The following IKZF1 variants were observed in gnomAD, a reference collection of about 807,000 sequenced individuals.
IKZF1 encodes DNA-binding protein Ikaros.
IKZF1 carries 10 observed loss-of-function variants against 51.7 expected under a neutral mutation model. The ratio of observed to expected loss-of-function variants is 0.19; its 90% CI spans 0.12 to 0.33. The LOEUF is 0.33. Among genes scored for constraint, IKZF1 ranks in the 10% least tolerant of loss-of-function variants. IKZF1 has a pLI of 1.00. For synonymous variants in IKZF1, 280 were observed against 282.3 expected (o/e 0.99, Z 0.08); for missense variants, 484 against 707.5 (o/e 0.68, Z 3.58).
intron 1 of IKZF1, among the ~76,000 whole-genome samples, chr7:50,310,555 G>A (rs906703343): frequency 6.6e-6 from 1 of 152,122 alleles, no homozygotes; most frequent in African/African-American, 2.4e-5. Context: ...CACAAATAAA[G>A]GACTACAAAA....
At chr7:50,362,308 C>T (rs565187408) in intron 3 of IKZF1, among the ~76,000 whole-genome samples, 16 of 152,272 alleles carry the variant, frequency 1.1e-4, no homozygotes, top group Non-Finnish European at 1.8e-4. Flanking sequence ...GGAAGGTCCA[C>T]TCAACCCCAT....
intron 4 of IKZF1, among the ~76,000 whole-genome samples, chr7:50,380,226 A>G (rs1395530205): frequency 1.3e-5 from 2 of 152,146 alleles, no homozygotes; most frequent in South Asian, 2.1e-4. Context: ...GCCTTGTGCT[A>G]TGTGTTCATA....
At chr7:50,349,047 A>T (rs1801145401) in intron 3 of IKZF1, among the ~76,000 whole-genome samples, 2 of 152,152 alleles carry the variant, frequency 1.3e-5, no homozygotes, top group South Asian at 4.1e-4. Flanking sequence ...ACACGAACGG[A>T]GGTTAATGAA....
At chr7:50,309,931 A>G (rs1789749343) in intron 1 of IKZF1, among the ~76,000 whole-genome samples, 1 of 152,206 alleles carries the variant, frequency 6.6e-6, no homozygotes, top group Non-Finnish European at 1.5e-5. Context: ...AACTAGAGAG[A>G]GCCAGCAACC....
rs1426920313 is a variant in IKZF1, at chr7:50,403,791, T to C, written c.*3164T>C. On this transcript the variant is annotated 3_prime_UTR_variant, in exon 8 of 8. Coordinates refer to ENST00000331340, the MANE Select transcript of IKZF1 (RefSeq NM_006060.6). ...CCTGAGATGTAGTTTTGTTATATGG[T>C]TCCCCACCGACCATTTTTGTGCTTT... The C allele has an allele frequency of 2.2e-5, 5 of 226,434 alleles. No homozygotes were observed. In the Admixed American group the frequency reaches 2.8e-4, roughly 13 times the overall value. 14.0% of individuals were successfully genotyped at this position (226,434 alleles called of 1,614,324 possible).
rs1042410672 is a variant in IKZF1, at chr7:50,336,571, G to A, written c.160+8814G>A. ...GCCCTTGGGACAGGCGGTGGCGAGA[G>A]GCCAGGAGGCCTTTGGTGCAGGAGG... On this transcript the variant is annotated intron_variant, in intron 3 of 7. Transcript: ENST00000331340. Among the ~76,000 whole-genome samples, 1,137 of 152,352 alleles carry A rather than the reference G, an allele frequency of 7.5e-3. 17 individuals are homozygous for A. Among genetic ancestry groups the A allele is most frequent in the African/African-American group, 0.026 (1,071 of 41,580 alleles).
chr7:50,365,305 G>C (rs780713680), intron 3 of IKZF1, among the ~76,000 whole-genome samples: 12 of 152,216 alleles, frequency 7.9e-5, no homozygotes, highest in Non-Finnish European at 1.8e-4. Context: ...AGGAACAAGG[G>C]TGAGCGCTTA....
intron 3 of IKZF1, among the ~76,000 whole-genome samples, chr7:50,367,494 T>C (rs577783799): frequency 1.3e-5 from 2 of 152,340 alleles, no homozygotes; most frequent in African/African-American, 4.8e-5. Flanking sequence ...GTAGCTCTTT[T>C]GTTGGTTGGG....
At chr7:50,322,411 G>A (rs1268919496) in intron 2 of IKZF1, among the ~76,000 whole-genome samples, 4 of 151,960 alleles carry the variant, frequency 2.6e-5, no homozygotes, top group Non-Finnish European at 5.9e-5. Flanking sequence ...TTTTTTCAAA[G>A]CACTGGGTTA....
chr7:50,393,171 G>A (rs1016178595), intron 7 of IKZF1, among the ~76,000 whole-genome samples: 2 of 152,172 alleles, frequency 1.3e-5, no homozygotes, highest in South Asian at 2.1e-4. Flanking sequence ...AAGGGGTGGT[G>A]TCAGAGGAAC....
chr7:50,304,397 G>C (rs943872870), upstream of IKZF1: 5 of 149,952 alleles, frequency 3.3e-5, no homozygotes, highest in African/African-American at 1.2e-4. Context: ...GGCAGGTCGA[G>C]CAGGGACCGC....
chr7:50,353,574 G>A (rs1246249396), intron 3 of IKZF1, among the ~76,000 whole-genome samples: 1 of 152,214 alleles, frequency 6.6e-6, no homozygotes, highest in Non-Finnish European at 1.5e-5. Flanking sequence ...ATGCAGGAGA[G>A]GACATCCTGG....
At position 50,344,585 on chromosome 7, in the gene IKZF1, A is replaced by G. The variant is rs117245555; in HGVS notation, c.160+16828A>G. Among the ~76,000 whole-genome samples, 199 of 152,372 alleles carry G rather than the reference A, an allele frequency of 1.3e-3. 8 individuals carry two copies. In the East Asian group the frequency reaches 0.036, roughly 28 times the overall value. On this transcript the variant is annotated intron_variant, in intron 3 of 7. Transcript: ENST00000331340. The stretch of plus-strand genomic sequence containing the variant: ...TCCTCTGCATCAGTGCTAAAAGTAC[A>G]ATCATGTATAAGCTGTTATACTCCC...
intron 3 of IKZF1, among the ~76,000 whole-genome samples, chr7:50,357,279 T>A (rs1351142081): frequency 6.6e-6 from 1 of 151,944 alleles, no homozygotes; most frequent in Non-Finnish European, 1.5e-5. Context: ...TTCCAAGGCC[T>A]CTGGAACCAG....
In IKZF1 at chr7:50,400,759, T is replaced by C. The variant is rs1327037520; in HGVS notation, c.*132T>C. On this transcript the variant is annotated 3_prime_UTR_variant, in exon 8 of 8. Transcript: ENST00000331340. The surrounding 1 kb of genome is among the most constrained non-coding windows in gnomAD (Gnocchi z 5.4). ...TGTTGTGTTTGGATTTGTAACTGTTTTTTGTTTTTTGTTTGAGTTGGTTGA... is the reference window on the plus strand; with the variant it reads ...TGTTGTGTTTGGATTTGTAACTGTTCTTTGTTTTTTGTTTGAGTTGGTTGA... 3.4e-6 allele frequency: 4 copies of C among 1,188,522 alleles called. No individual in the cohort carries two copies. The highest frequency in any genetic ancestry group is 3.5e-6 in the Non-Finnish European group (3 of 864,270). 73.6% of individuals were successfully genotyped at this position (1,188,522 alleles called of 1,614,324 possible). A position where few individuals can be genotyped will look rare whatever the true frequency, so the allele number is the denominator to read the frequency against.
chr7:50,345,706 AG>A (rs1224926880), intron 3 of IKZF1, among the ~76,000 whole-genome samples: 1 of 152,230 alleles, frequency 6.6e-6, no homozygotes, highest in Non-Finnish European at 1.5e-5. Flanking sequence ...AAAAGGTAAA[AG>A]ATAGAAATGA....
At chr7:50,337,825 A>G (rs951228894) in intron 3 of IKZF1, among the ~76,000 whole-genome samples, 11 of 152,126 alleles carry the variant, frequency 7.2e-5, no homozygotes, top group Non-Finnish European at 1.0e-4. Context: ...TTTGGGTGAG[A>G]CTGTCCCTCC....
At chr7:50,341,610 T>C (rs1207277683) in intron 3 of IKZF1, among the ~76,000 whole-genome samples, 1 of 152,176 alleles carries the variant, frequency 6.6e-6, no homozygotes, top group African/African-American at 2.4e-5. Context: ...AAATCAGAAA[T>C]TCCAGCGTAG....
intron 3 of IKZF1, among the ~76,000 whole-genome samples, chr7:50,350,725 C>T (rs1801651515): frequency 6.6e-6 from 1 of 152,172 alleles, no homozygotes; most frequent in Admixed American, 6.5e-5. Flanking sequence ...TCTTTCATTC[C>T]CTCTCATTTG....
Sources: allele counts gnomAD v4.1 joint callset (sites outside exome capture counted in the v4.1 genomes callset), GRCh38; gene constraint gnomAD v4.1.1; non-coding constraint Gnocchi (gnomAD v3.1); transcripts MANE v1.5; gene names NCBI Gene and HGNC (gene_info 2026-07-23, HGNC 2026-07-21).